RBFOX3: variants seen among roughly 807,000 people sequenced by gnomAD.
RBFOX3 encodes the protein RNA binding fox-1 homolog 3.
RBFOX3 carries 17 observed loss-of-function variants against 48.7 expected under a neutral mutation model. The observed-to-expected ratio is 0.35, with a 90% CI of 0.24 to 0.52. The LOEUF is 0.52. Among genes scored for constraint, RBFOX3 ranks in the 20% least tolerant of loss-of-function variants. RBFOX3 has a pLI of 0.94. For synonymous variants in RBFOX3, 212 were observed against 209.5 expected (o/e 1.01, Z -0.10); for missense variants, 382 against 497.5 (o/e 0.77, Z 2.21).
intron 6 of RBFOX3, among the ~76,000 whole-genome samples, chr17:79,105,983 C>G (rs1221466352): frequency 1.3e-5 from 2 of 152,198 alleles, no homozygotes; most frequent in African/African-American, 4.8e-5. Context: ...CAAAGTGACC[C>G]AGGACCCAGG....
the RBFOX3 span, among the ~76,000 whole-genome samples, chr17:79,626,825 T>C: frequency 1.3e-5 from 2 of 152,188 alleles, no homozygotes; most frequent in Non-Finnish European, 2.9e-5. Context: ...GAGCCTCCGG[T>C]GACCTCCCGG....
At position 79,547,995 on chromosome 17, in the gene RBFOX3, TC is replaced by T. The variant is rs2090689899; in HGVS notation, c.-320+62830del. ...CCTCCTGGGAGAGGACCAGCTTCCC[TC>T]CTCACCCTATCCTGGACTACTCTGA... On this transcript the variant is annotated intron_variant, in intron 1 of 14. Transcript: ENST00000693108. Among the ~76,000 whole-genome samples, 4 of 152,314 alleles carry T rather than the reference TC, an allele frequency of 2.6e-5. No homozygotes were observed. The South Asian group carries it at 8.3e-4, about 32-fold the overall frequency.
chr17:79,230,177 T>C (rs572079962), intron 4 of RBFOX3, among the ~76,000 whole-genome samples: 264 of 152,288 alleles, frequency 1.7e-3, no homozygotes, highest in African/African-American at 6.0e-3. Context: ...TAGGTTCCCT[T>C]CTCCCCAGTT....
chr17:79,132,438 C>A (rs957879147), intron 4 of RBFOX3, among the ~76,000 whole-genome samples: 6 of 152,244 alleles, frequency 3.9e-5, no homozygotes, highest in African/African-American at 7.2e-5. Flanking sequence ...TGAGTGTGCA[C>A]GTGTGTGTAC....
chr17:79,469,421 A>C (rs112109667), intron 2 of RBFOX3, among the ~76,000 whole-genome samples: 2,629 of 152,308 alleles, frequency 0.017, 34 homozygotes, highest in Non-Finnish European at 0.026. Context: ...ATGTGTGTGG[A>C]GAGGACCCCA....
intron 1 of RBFOX3, among the ~76,000 whole-genome samples, chr17:79,569,486 G>A (rs1056125963): frequency 6.6e-6 from 1 of 152,126 alleles, no homozygotes; most frequent in African/African-American, 2.4e-5. Context: ...ACCTGTTGAC[G>A]GACATTTGGG....
chr17:79,443,063 A>C lies in RBFOX3; in HGVS notation c.-175+39391T>G, dbSNP rs559916371. Reference sequence around the variant, plus strand: ...TCCACCTGTGCCATGAGGTCCTCACAGGCCAAAGGTGCACATGGACGAGAC... The same window carrying C: ...TCCACCTGTGCCATGAGGTCCTCACCGGCCAAAGGTGCACATGGACGAGAC... On this transcript the variant is annotated intron_variant, in intron 2 of 14. Coordinates refer to ENST00000693108, the MANE Select transcript of RBFOX3 (RefSeq NM_001350451.2). The surrounding 1 kb of genome is among the most constrained non-coding windows in gnomAD (Gnocchi z 4.4). Among the ~76,000 whole-genome samples, 256 of 152,352 alleles carry C rather than the reference A, an allele frequency of 1.7e-3. 1 individual carries two copies. Among genetic ancestry groups the C allele is most frequent in the Middle Eastern group, 6.8e-3 (2 of 294 alleles).
In RBFOX3 at chr17:79,185,704, A is replaced by T. The variant is rs557483758; in HGVS notation, c.-34+50062T>A. 2.0e-5 allele frequency among the ~76,000 whole-genome samples: 3 copies of T among 152,342 alleles called. No homozygotes were observed. In the East Asian group the frequency reaches 5.8e-4, roughly 29 times the overall value. ...TTAATTTGCCATTATGACCATTATG[A>T]CCAAGTATCTCCTGTGGAATCCAAG... is the stretch of plus-strand genomic sequence containing the variant. On this transcript the variant is annotated intron_variant, in intron 4 of 14. Transcript: ENST00000693108.
chr17:79,590,817 G>A (rs1026372395), intron 1 of RBFOX3, among the ~76,000 whole-genome samples: 5 of 152,138 alleles, frequency 3.3e-5, no homozygotes, highest in Non-Finnish European at 5.9e-5. Context: ...GCTCAGCCCT[G>A]GGGTAAGAGT....
At chr17:79,171,624 CTT>C in intron 4 of RBFOX3, among the ~76,000 whole-genome samples, 1 of 136,334 alleles carries the variant, frequency 7.3e-6, no homozygotes, top group Non-Finnish European at 1.5e-5. Context: ...CATTTAATTA[CTT>C]TTTTTTTATA....
intron 1 of RBFOX3, among the ~76,000 whole-genome samples, chr17:79,542,815 G>C (rs1363699847): frequency 6.6e-6 from 1 of 152,106 alleles, no homozygotes; most frequent in African/African-American, 2.4e-5. Context: ...CAAAACAAAA[G>C]AAATTAATTG....
Position 79,487,243 on chromosome 17 carries a change from CCAGG to C in RBFOX3, c.-319-4649_-319-4646del, listed in dbSNP as rs368227709. ...AGATAGCCCAGGTGAGATGCACTGG[CCAGG>C]CAGAGAGGAGGCTAGGATGGCAGGC... On this transcript the variant is annotated intron_variant, in intron 1 of 14. Transcript: ENST00000693108. 2.7e-3 allele frequency among the ~76,000 whole-genome samples: 407 copies of C among 152,226 alleles called. 8 individuals carry two copies. In the South Asian group the frequency reaches 0.041, roughly 15 times the overall value.
rs1028100019 is a variant in RBFOX3 at position 79,205,215 on chromosome 17, A to C, written c.-34+30551T>G. Among the ~76,000 whole-genome samples, 1 of 152,184 alleles carries C rather than the reference A, an allele frequency of 6.6e-6. No homozygotes were observed. Among genetic ancestry groups the C allele is most frequent in the Non-Finnish European group, 1.5e-5 (1 of 68,032 alleles). Reference sequence around the variant, plus strand: ...TGTCCTGGGGAAGGGGACTAGCAGAAGTTTTGCAGGCAGGAGGATACATGG... The same window carrying C: ...TGTCCTGGGGAAGGGGACTAGCAGACGTTTTGCAGGCAGGAGGATACATGG... On this transcript the variant is annotated intron_variant, in intron 4 of 14. Transcript: ENST00000693108. This position sits in a 1 kb window ranked among gnomAD's most constrained non-coding sequence, Gnocchi z 4.5.
intron 5 of RBFOX3, among the ~76,000 whole-genome samples, chr17:79,109,692 G>A (rs1568145851): frequency 6.6e-6 from 1 of 152,182 alleles, no homozygotes; most frequent in East Asian, 1.9e-4. Context: ...CTGCTCTTGG[G>A]TACAGGTGAC....
At chr17:79,320,335 C>T (rs1033731317) in intron 2 of RBFOX3, among the ~76,000 whole-genome samples, 3 of 152,202 alleles carry the variant, frequency 2.0e-5, no homozygotes, top group African/African-American at 4.8e-5. Flanking sequence ...CAGACCCCTA[C>T]CAGTGCTGGC....
At chr17:79,383,859 T>C (rs2147993719) in intron 2 of RBFOX3, among the ~76,000 whole-genome samples, 1 of 152,136 alleles carries the variant, frequency 6.6e-6, no homozygotes, top group East Asian at 1.9e-4. Flanking sequence ...CAACACTGGG[T>C]CCTGGCATTC....
intron 2 of RBFOX3, among the ~76,000 whole-genome samples, chr17:79,455,104 G>A (rs1161075684): frequency 2.6e-4 from 39 of 151,890 alleles, no homozygotes; most frequent in African/African-American, 7.0e-4. Context: ...CCCCCTCCAC[G>A]GGGTGTGCAC....
chr17:79,116,141 G>A (rs910870233), intron 4 of RBFOX3, among the ~76,000 whole-genome samples: 19 of 152,264 alleles, frequency 1.2e-4, no homozygotes, highest in African/African-American at 4.3e-4. Flanking sequence ...GGGTCCTCAC[G>A]GTAACATCCA....
intron 2 of RBFOX3, among the ~76,000 whole-genome samples, chr17:79,398,269 G>T (rs918094088): frequency 3.9e-5 from 6 of 152,144 alleles, no homozygotes; most frequent in Admixed American, 1.3e-4. Context: ...GTATGGGAGC[G>T]TCCAGCCCTG....
Sources: gnomAD v4.1 joint callset for allele counts (sites outside exome capture counted in the v4.1 genomes callset) on GRCh38, gnomAD v4.1.1 for gene constraint, Gnocchi (gnomAD v3.1) non-coding constraint, MANE v1.5 for transcripts, NCBI Gene and HGNC (gene_info 2026-07-23, HGNC 2026-07-21) for gene names.